Variants in SPOCK1 observed in about 807,000 individuals in gnomAD.
The protein encoded by SPOCK1 is testican-1.
SPOCK1 carries 23 observed loss-of-function variants against 55.3 expected under a neutral mutation model. The observed-to-expected ratio is 0.42, with a 90% CI of 0.30 to 0.59. SPOCK1 has a LOEUF of 0.59. SPOCK1 is among the 20% of genes least tolerant of loss of function. SPOCK1 has a pLI of 0.22. For synonymous variants in SPOCK1, 226 were observed against 221.0 expected, an observed-to-expected ratio of 1.02 and a Z score of -0.20; for missense variants, 499 against 552.5, an observed-to-expected ratio of 0.90 and a Z score of 0.97.
chr5:136,985,631 T>C (rs927937307), intron 8 of SPOCK1, among the ~76,000 whole-genome samples: 2 of 152,064 alleles, frequency 1.3e-5, no homozygotes, highest in African/African-American at 2.4e-5. Flanking sequence ...AAAGGATGGA[T>C]AGGAATGGTT....
chr5:136,980,736 T>C (rs1471505606), intron 9 of SPOCK1, among the ~76,000 whole-genome samples: 2 of 152,194 alleles, frequency 1.3e-5, no homozygotes, highest in Non-Finnish European at 2.9e-5. Context: ...ACTAATACAG[T>C]GATTGAGGCA....
intron 2 of SPOCK1, among the ~76,000 whole-genome samples, chr5:137,278,187 C>G (rs967271775): frequency 3.9e-5 from 6 of 152,184 alleles, no homozygotes; most frequent in African/African-American, 1.4e-4. Flanking sequence ...CACTGTGTCC[C>G]TAAGACTGTC....
intron 6 of SPOCK1, among the ~76,000 whole-genome samples, chr5:137,020,406 G>A (rs2126979712): frequency 6.6e-6 from 1 of 151,740 alleles, no homozygotes; most frequent in Admixed American, 6.6e-5. Context: ...CACAATAAGA[G>A]GTTCACATCA....
chr5:137,157,773 T>C (rs1477580640), intron 3 of SPOCK1, among the ~76,000 whole-genome samples: 2 of 152,164 alleles, frequency 1.3e-5, no homozygotes, highest in African/African-American at 4.8e-5. Context: ...AAAACTTGCA[T>C]ATGGGGCCAG....
At chr5:137,082,108 C>T (rs753747090) in intron 5 of SPOCK1, among the ~76,000 whole-genome samples, 2 of 152,208 alleles carry the variant, frequency 1.3e-5, no homozygotes, top group Admixed American at 1.3e-4. Flanking sequence ...CCACTTGCTC[C>T]ATGGCCAGAA....
At chr5:137,122,240 TACACACACACACACACGCACAC>T (rs1753699184) in intron 4 of SPOCK1, among the ~76,000 whole-genome samples, 1 of 132,956 alleles carries the variant, frequency 7.5e-6, no homozygotes. Context: ...AAAGCAGTTA[TACACACACACACACACGCACAC>T]ACACACACAC....
intron 5 of SPOCK1, among the ~76,000 whole-genome samples, chr5:137,079,288 A>G (rs1313436722): frequency 6.6e-6 from 1 of 152,236 alleles, no homozygotes; most frequent in Non-Finnish European, 1.5e-5. Context: ...AAGAGTATGT[A>G]CTAAATAAAT....
At chr5:137,256,535 A>G (rs924192596) in intron 3 of SPOCK1, among the ~76,000 whole-genome samples, 4 of 152,198 alleles carry the variant, frequency 2.6e-5, no homozygotes, top group Non-Finnish European at 5.9e-5. Flanking sequence ...TACAATAGGT[A>G]GGCATGGCTC....
At chr5:137,222,793 T>C (rs1755878800) in intron 3 of SPOCK1, among the ~76,000 whole-genome samples, 1 of 152,198 alleles carries the variant, frequency 6.6e-6, no homozygotes, top group South Asian at 2.1e-4. Flanking sequence ...GGAATGTGCT[T>C]TCTCAAAGGG....
intron 2 of SPOCK1, 85 bp downstream of exon 2, chr5:137,498,285 CACA>C: frequency 7.7e-7 from 1 of 1,298,794 alleles, no homozygotes; most frequent in Non-Finnish European, 1.0e-6. Context: ...CACACACACA[CACA>C]CACACACACA....
At chr5:137,095,331 C>A (rs1363347556) in intron 5 of SPOCK1, among the ~76,000 whole-genome samples, 2 of 149,286 alleles carry the variant, frequency 1.3e-5, no homozygotes, top group East Asian at 3.9e-4. Flanking sequence ...CTGCCACAAA[C>A]CTCCAATTTG....
chr5:137,395,252 T>C (rs1282961838), intron 2 of SPOCK1, among the ~76,000 whole-genome samples: 1 of 152,252 alleles, frequency 6.6e-6, no homozygotes, highest in African/African-American at 2.4e-5. Flanking sequence ...GTGATCTGGA[T>C]ACATTCCTCT....
intron 3 of SPOCK1, among the ~76,000 whole-genome samples, chr5:137,202,932 G>A (rs1157404373): frequency 4.6e-5 from 7 of 152,126 alleles, no homozygotes; most frequent in East Asian, 1.9e-4. Flanking sequence ...ACATATTCAC[G>A]TCCTTGTTGC....
intron 2 of SPOCK1, among the ~76,000 whole-genome samples, chr5:137,352,587 C>T (rs988013818): frequency 6.6e-6 from 1 of 151,978 alleles, no homozygotes; most frequent in Non-Finnish European, 1.5e-5. Flanking sequence ...GCTCGTATAA[C>T]AGCTCAGCAA....
chr5:136,980,323 T>C (rs1356815802), intron 9 of SPOCK1, among the ~76,000 whole-genome samples: 1 of 152,172 alleles, frequency 6.6e-6, no homozygotes, highest in Non-Finnish European at 1.5e-5. Context: ...GAAAATCATA[T>C]GGTTTTTATG....
At chr5:137,431,965 C>T (rs1752755778) in intron 2 of SPOCK1, among the ~76,000 whole-genome samples, 1 of 152,188 alleles carries the variant, frequency 6.6e-6, no homozygotes, top group Admixed American at 6.5e-5. Flanking sequence ...TAAATAACTA[C>T]TCAAATGATA....
chr5:137,030,440 T>C (rs1271111358), intron 6 of SPOCK1, among the ~76,000 whole-genome samples: 1 of 152,026 alleles, frequency 6.6e-6, no homozygotes, highest in African/African-American at 2.4e-5. Flanking sequence ...AGGACGCAAA[T>C]GGCAATTTAC....
At chr5:137,368,834 T>C (rs1432813372) in intron 2 of SPOCK1, among the ~76,000 whole-genome samples, 1 of 152,228 alleles carries the variant, frequency 6.6e-6, no homozygotes, top group Non-Finnish European at 1.5e-5. Flanking sequence ...GTCCGCTCCC[T>C]TATTAATCTT....
intron 3 of SPOCK1, among the ~76,000 whole-genome samples, chr5:137,187,865 G>C (rs139725908): frequency 1.3e-5 from 2 of 152,326 alleles, no homozygotes; most frequent in Non-Finnish European, 2.9e-5. Flanking sequence ...GCTACCAGTA[G>C]TGGTGTTCTG....
Sources: gnomAD v4.1 joint callset for allele counts (sites outside exome capture counted in the v4.1 genomes callset) on GRCh38, gnomAD v4.1.1 for gene constraint, MANE v1.5 for transcripts, NCBI Gene and HGNC (gene_info 2026-07-23, HGNC 2026-07-21) for gene names.